NWD2: variants seen among roughly 807,000 people sequenced by gnomAD.
NWD2 encodes the protein NACHT and WD repeat domain containing 2.
A neutral mutation model predicts 132.7 loss-of-function variants in NWD2; 37 were observed. The observed-to-expected ratio is 0.28, with a 90% confidence interval of 0.21 to 0.37. The LOEUF is 0.37. Ranked by LOEUF, NWD2 falls within the 10% of genes least tolerant of loss-of-function variation. NWD2 has a pLI of 1.00. For missense variants in NWD2, 1,592 were observed against 2,122.4 expected, an observed-to-expected ratio of 0.75 and a Z score of 4.91; for synonymous variants, 705 against 803.0, an observed-to-expected ratio of 0.88 and a Z score of 2.06.
At chr4:37,252,853 T>G (rs1476124305) in intron 1 of NWD2, among the ~76,000 whole-genome samples, 1 of 152,212 alleles carries the variant, frequency 6.6e-6, no homozygotes, top group East Asian at 1.9e-4. Context: ...AGAATGTTTA[T>G]TTTGCTGCAT....
Position 37,403,715 on chromosome 4 carries a change from A to T in NWD2, c.358-26857A>T, listed in dbSNP as rs1720942637. 2.0e-5 allele frequency among the ~76,000 whole-genome samples: 3 copies of T among 152,276 alleles called. 1 individual carries two copies. The South Asian group carries it at 6.2e-4, about 32-fold the overall frequency. ...CTCTACTTGTTTCTGCATTACATACACTGCAAACATGGGGTTCACATTTGT... is the reference window on the plus strand; with the variant it reads ...CTCTACTTGTTTCTGCATTACATACTCTGCAAACATGGGGTTCACATTTGT... On this transcript the variant is annotated intron_variant, in intron 3 of 6. Transcript: ENST00000309447.
At chr4:37,261,210 G>A (rs1048368360) in intron 1 of NWD2, among the ~76,000 whole-genome samples, 1 of 152,074 alleles carries the variant, frequency 6.6e-6, no homozygotes, top group African/African-American at 2.4e-5. Context: ...TAGTGAAGAA[G>A]GACACATCAG....
chr4:37,285,741 T>C (rs1718219121), intron 1 of NWD2, among the ~76,000 whole-genome samples: 1 of 152,238 alleles, frequency 6.6e-6, no homozygotes, highest in African/African-American at 2.4e-5. Flanking sequence ...TATTTTAGCT[T>C]CCTTCCATTG....
chr4:37,341,652 G>A (rs1216867193), intron 2 of NWD2, among the ~76,000 whole-genome samples: 1 of 152,156 alleles, frequency 6.6e-6, no homozygotes, highest in African/African-American at 2.4e-5. Context: ...GTGTAAAATA[G>A]CATTAAGAGC....
intron 1 of NWD2, among the ~76,000 whole-genome samples, chr4:37,314,099 C>T (rs1718910191): frequency 1.3e-5 from 2 of 152,170 alleles, no homozygotes; most frequent in African/African-American, 4.8e-5. Context: ...ATGGTATATT[C>T]TATTAATTGA....
chr4:37,411,755 A>G (rs1002993555), intron 3 of NWD2, among the ~76,000 whole-genome samples: 1 of 152,226 alleles, frequency 6.6e-6, no homozygotes, highest in African/African-American at 2.4e-5. Context: ...GGCAAACCAA[A>G]TCCAGCAGCA....
At chr4:37,325,147 G>A (rs956915440) in intron 1 of NWD2, among the ~76,000 whole-genome samples, 1 of 152,080 alleles carries the variant, frequency 6.6e-6, no homozygotes, top group African/African-American at 2.4e-5. Flanking sequence ...AGGTGACTTT[G>A]GAATCCCTTT....
At chr4:37,387,969 T>TC (rs72600535) in intron 3 of NWD2, among the ~76,000 whole-genome samples, 1 of 43,146 alleles carries the variant, frequency 2.3e-5, no homozygotes, top group Non-Finnish European at 5.4e-5. Context: ...TATTAAATGA[T>TC]TTGTGCCAGG....
At chr4:37,274,919 G>T (rs543037935) in intron 1 of NWD2, among the ~76,000 whole-genome samples, 1 of 151,872 alleles carries the variant, frequency 6.6e-6, no homozygotes, top group African/African-American at 2.4e-5. Flanking sequence ...AGGTAATGAT[G>T]GGACATATCT....
chr4:37,379,534 CTAAA>C (rs1231586751), intron 3 of NWD2, among the ~76,000 whole-genome samples: 1 of 152,122 alleles, frequency 6.6e-6, no homozygotes, highest in African/African-American at 2.4e-5. Flanking sequence ...ATTTAATCCT[CTAAA>C]TACCTCCAGG....
intron 2 of NWD2, among the ~76,000 whole-genome samples, chr4:37,348,659 TATATATATATATATATACAC>T (rs1219165777): frequency 3.8e-3 from 275 of 72,352 alleles, no homozygotes; most frequent in Admixed American, 6.3e-3. Flanking sequence ...TATATATATA[TATATATATATATATATACAC>T]ACACACACAC....
chr4:37,361,969 G>T (rs1719990241), intron 3 of NWD2, among the ~76,000 whole-genome samples: 1 of 152,142 alleles, frequency 6.6e-6, no homozygotes, highest in Admixed American at 6.5e-5. Flanking sequence ...AACAACTTCA[G>T]TTTCAGGATA....
At chr4:37,421,010 C>T (rs767006360) in intron 3 of NWD2, among the ~76,000 whole-genome samples, 35 of 152,050 alleles carry the variant, frequency 2.3e-4, no homozygotes, top group Non-Finnish European at 3.2e-4. Context: ...CACTTTTTTT[C>T]GGCTCACTGC....
chr4:37,309,764 G>A (rs1718792944), intron 1 of NWD2, among the ~76,000 whole-genome samples: 1 of 152,210 alleles, frequency 6.6e-6, no homozygotes, highest in Non-Finnish European at 1.5e-5. Flanking sequence ...TTGGCTTTGA[G>A]TCAATCCCAG....
chr4:37,257,740 C>T (rs1262823377), intron 1 of NWD2, among the ~76,000 whole-genome samples: 1 of 152,034 alleles, frequency 6.6e-6, no homozygotes, highest in African/African-American at 2.4e-5. Flanking sequence ...CTGCTGTTTA[C>T]CAGATTTTTA....
At chr4:37,425,578 T>C (rs984782116) in intron 3 of NWD2, among the ~76,000 whole-genome samples, 2 of 152,206 alleles carry the variant, frequency 1.3e-5, no homozygotes, top group Non-Finnish European at 2.9e-5. Context: ...AGAAAATTCT[T>C]TCAGTCATAT....
chr4:37,409,608 C>T (rs1467693417), intron 3 of NWD2, among the ~76,000 whole-genome samples: 2 of 151,998 alleles, frequency 1.3e-5, no homozygotes, highest in Admixed American at 6.6e-5. Context: ...GAGAACTTCC[C>T]CAAAGTAGCA....
intron 1 of NWD2, among the ~76,000 whole-genome samples, chr4:37,245,549 C>CTTTT (rs34994440): frequency 6.9e-6 from 1 of 145,552 alleles, no homozygotes; most frequent in East Asian, 2.0e-4. Context: ...GTCCCCCGCC[C>CTTTT]TTTTTTTTTT....
At chr4:37,373,237 A>G (rs1451591291) in intron 3 of NWD2, among the ~76,000 whole-genome samples, 1 of 152,204 alleles carries the variant, frequency 6.6e-6, no homozygotes, top group Non-Finnish European at 1.5e-5. Context: ...CAAGCCAGGC[A>G]CACTGACTGT....
Sources: gnomAD v4.1 joint callset for allele counts (sites outside exome capture counted in the v4.1 genomes callset) on GRCh38, gnomAD v4.1.1 for gene constraint, MANE v1.5 for transcripts, NCBI Gene and HGNC (gene_info 2026-07-23, HGNC 2026-07-21) for gene names.